The following NCOA7 variants were observed in gnomAD, a reference collection of about 807,000 sequenced individuals.
The protein encoded by NCOA7 is nuclear receptor coactivator 7, also known as 140 kDa estrogen receptor-associated protein.
NCOA7 carries 45 observed loss-of-function variants against 104.3 expected under a neutral mutation model. The observed-to-expected ratio is 0.43, with a 90% CI of 0.34 to 0.55. The LOEUF (loss-of-function observed/expected upper bound fraction) is 0.55, where lower values mean the gene tolerates loss of function less well. Ranked by LOEUF, NCOA7 falls within the 20% of genes least tolerant of loss-of-function variation. The probability of loss-of-function intolerance (pLI) is 0.02; values close to 1 mark genes in which losing one functional copy is unlikely to be tolerated. For synonymous variants in NCOA7, 398 were observed against 402.3 expected (o/e 0.99, Z 0.13); for missense variants, 1,041 against 1,119.7 (o/e 0.93, Z 1.00).
intron 10 of NCOA7, among the ~76,000 whole-genome samples, chr6:125,898,628 A>C (rs1236230756): frequency 6.6e-6 from 1 of 152,214 alleles, no homozygotes; most frequent in South Asian, 2.1e-4. Context: ...CTAAAAAAAA[A>C]CTATTCTGAT....
intron 1 of NCOA7, among the ~76,000 whole-genome samples, chr6:125,782,742 A>G (rs1774283061): frequency 6.6e-6 from 1 of 152,220 alleles, no homozygotes; most frequent in Non-Finnish European, 1.5e-5. Context: ...AGTGTATCAC[A>G]TTACCTGTAA....
Position 125,921,029 on chromosome 6 carries a change from G to A in NCOA7, c.2331G>A (p.Arg777=). The change falls in exon 12 of 16, where the codon CGG becomes CGA. Residue 777 remains arginine (R), a synonymous_variant. Coordinates refer to ENST00000392477, the MANE Select transcript of NCOA7 (RefSeq NM_181782.5). ...ACGAAGAGGTGCTGCCTGTCCTACG[G>A]CCCCACAGCGCGCTCCTGGAGAATA... ...DEDEEVLPVL[R]PHSALLENMH... The A allele has an allele frequency of 6.2e-7, 1 of 1,613,768 alleles. No individual in the cohort carries two copies. The highest frequency in any genetic ancestry group is 1.3e-5 in the African/African-American group (1 of 75,050).
At chr6:125,927,846 C>A in intron 14 of NCOA7, 88 bp downstream of exon 14, 1 of 1,089,404 alleles carries the variant, frequency 9.2e-7, no homozygotes, top group East Asian at 2.4e-5. Context: ...GCTAGCTGTC[C>A]TGTAACTTCT....
At chr6:125,821,008 T>C (rs1778125788) in intron 2 of NCOA7, among the ~76,000 whole-genome samples, 1 of 152,130 alleles carries the variant, frequency 6.6e-6, no homozygotes, top group Non-Finnish European at 1.5e-5. Flanking sequence ...TATTAATTGG[T>C]AATCAGAGCC....
intron 5 of NCOA7, among the ~76,000 whole-genome samples, chr6:125,879,369 A>G (rs1485903354): frequency 1.3e-5 from 2 of 152,204 alleles, no homozygotes; most frequent in Non-Finnish European, 2.9e-5. Flanking sequence ...ATCTCATGGA[A>G]GTTGAATTCT....
chr6:125,927,705 C>T lies in NCOA7; in HGVS notation c.2566C>T (p.His856Tyr). The T allele has an allele frequency of 6.2e-7, 1 of 1,614,054 alleles. No individual in the cohort carries two copies. The highest frequency in any genetic ancestry group is 1.7e-5 in the Admixed American group (1 of 60,020). ...AACTCATCCTTTCAAGTTCAGTGAC[C>T]ACTATTATGGCACAGGCGAAACTTT... The part of the protein sequence containing the change: ...YATHPFKFSD[H>Y]YYGTGETFLY... Residue 856 changes from histidine (H) to tyrosine (Y), a missense_variant, in exon 14 of 16, where the codon CAC becomes TAC. Coordinates refer to ENST00000392477, the MANE Select transcript of NCOA7 (RefSeq NM_181782.5).
chr6:125,814,817 G>A (rs577902131), intron 1 of NCOA7, among the ~76,000 whole-genome samples: 7 of 152,048 alleles, frequency 4.6e-5, no homozygotes, highest in East Asian at 1.9e-4. Context: ...GCATGTTTCC[G>A]AAAATAAAAT....
intron 1 of NCOA7, among the ~76,000 whole-genome samples, chr6:125,800,987 A>ATC (rs1775832076): frequency 1.3e-5 from 2 of 152,246 alleles, no homozygotes; most frequent in South Asian, 4.1e-4. Flanking sequence ...GTGAGCTGAG[A>ATC]TCGTGCCACT....
intron 2 of NCOA7, among the ~76,000 whole-genome samples, chr6:125,826,336 GA>G (rs34356104): frequency 0.34 from 42,362 of 123,734 alleles, 6,518 homozygotes; most frequent in South Asian, 0.48. Flanking sequence ...GTCTCTAAAA[GA>G]AAAAAAAAAA....
At chr6:125,859,204 A>G (rs535670198) in intron 3 of NCOA7, among the ~76,000 whole-genome samples, 1 of 152,132 alleles carries the variant, frequency 6.6e-6, no homozygotes, top group African/African-American at 2.4e-5. Flanking sequence ...GGCACACAGC[A>G]GCATTTGATG....
rs551362614 is a variant in NCOA7 at position 125,863,641 on chromosome 6, C to T, written c.271+8401C>T. ...ATACTCTAATTCTGTCTTCGGCCTGCTCGATCCACAAAATACCATATAACT... is the reference window on the plus strand; with the variant it reads ...ATACTCTAATTCTGTCTTCGGCCTGTTCGATCCACAAAATACCATATAACT... On this transcript the variant is annotated intron_variant, in intron 3 of 15. Coordinates refer to ENST00000392477, the MANE Select transcript of NCOA7 (RefSeq NM_181782.5). Among the ~76,000 whole-genome samples the T allele has an allele frequency of 3.6e-5, 5 of 138,070 alleles. No individual in the cohort carries two copies. In the South Asian group the frequency reaches 1.1e-3, roughly 30 times the overall value. 90.6% of individuals were successfully genotyped at this position (138,070 alleles called of 152,430 possible). A position where few individuals can be genotyped will look rare whatever the true frequency, so the allele number is the denominator to read the frequency against.
intron 3 of NCOA7, among the ~76,000 whole-genome samples, chr6:125,858,933 C>T (rs1390424737): frequency 6.6e-6 from 1 of 152,214 alleles, no homozygotes; most frequent in East Asian, 1.9e-4. Context: ...CATCCCAGTT[C>T]ACTGCTGCTT....
intron 2 of NCOA7, among the ~76,000 whole-genome samples, chr6:125,830,649 G>T (rs1249193228): frequency 1.3e-5 from 2 of 152,012 alleles, no homozygotes; most frequent in Non-Finnish European, 2.9e-5. Context: ...CAAGGCTGCA[G>T]TGAGCTTTAA....
At chr6:125,834,441 A>G (rs889013345) in intron 2 of NCOA7, among the ~76,000 whole-genome samples, 1 of 152,188 alleles carries the variant, frequency 6.6e-6, no homozygotes, top group African/African-American at 2.4e-5. Context: ...TAGGGATGGA[A>G]AATATCTTAA....
intron 2 of NCOA7, among the ~76,000 whole-genome samples, chr6:125,825,534 G>A (rs745436717): frequency 2.6e-5 from 4 of 152,206 alleles, no homozygotes; most frequent in Non-Finnish European, 5.9e-5. Context: ...TCACGATTTA[G>A]AGCTAGAAGA....
chr6:125,860,685 A>C (rs1781971075), intron 3 of NCOA7, among the ~76,000 whole-genome samples: 1 of 152,162 alleles, frequency 6.6e-6, no homozygotes, highest in Non-Finnish European at 1.5e-5. Context: ...TTATTTCTTA[A>C]ACTTAGAATA....
intron 5 of NCOA7, among the ~76,000 whole-genome samples, chr6:125,880,346 T>C (rs967763908): frequency 6.6e-6 from 1 of 152,060 alleles, no homozygotes; most frequent in African/African-American, 2.4e-5. Context: ...TGCTTCTCTC[T>C]CCTCATTTCC....
At chr6:125,910,585 A>AAG (rs572673804) in intron 10 of NCOA7, among the ~76,000 whole-genome samples, 1 of 152,208 alleles carries the variant, frequency 6.6e-6, no homozygotes, top group African/African-American at 2.4e-5. Flanking sequence ...TCAGTGGTTG[A>AAG]AGAGAGAGAG....
chr6:125,854,485 C>T (rs926058851), intron 2 of NCOA7, among the ~76,000 whole-genome samples: 1 of 152,148 alleles, frequency 6.6e-6, no homozygotes, highest in Admixed American at 6.5e-5. Context: ...GCAGCTCTTT[C>T]TTCACTACTA....
Sources: allele counts gnomAD v4.1 joint callset (sites outside exome capture counted in the v4.1 genomes callset), GRCh38; gene constraint gnomAD v4.1.1; transcripts MANE v1.5; gene names NCBI Gene and HGNC (gene_info 2026-07-23, HGNC 2026-07-21).